COX7B2: variants seen among roughly 807,000 people sequenced by gnomAD.
The protein encoded by COX7B2 is cytochrome c oxidase subunit 7B2, also known as cytochrome c oxidase subunit 7B2, mitochondrial.
For missense variants in COX7B2, 109 were observed against 95.9 expected, an observed-to-expected ratio of 1.14 and a Z score of -0.57; for synonymous variants, 37 against 32.1, an observed-to-expected ratio of 1.15 and a Z score of -0.51.
intron 2 of COX7B2, among the ~76,000 whole-genome samples, chr4:46,796,150 G>GCACTTCTCAAAAGAA (rs1718326411): frequency 7.7e-6 from 1 of 130,554 alleles, no homozygotes; most frequent in African/African-American, 3.3e-5. Context: ...CTGCAAACAG[G>GCACTTCTCAAAAGAA]GACAATTTGA....
chr4:46,836,180 A>T (rs1199610278), intron 2 of COX7B2, among the ~76,000 whole-genome samples: 1 of 152,082 alleles, frequency 6.6e-6, no homozygotes, highest in Admixed American at 6.6e-5. Flanking sequence ...CTTATTAAAA[A>T]TTTCTTTCTT....
chr4:46,778,753 G>C lies in COX7B2; in HGVS notation c.-49-43512C>G, dbSNP rs146334214. Among the ~76,000 whole-genome samples, 16 of 152,154 alleles carry C rather than the reference G, an allele frequency of 1.1e-4. No homozygotes were observed. The East Asian group carries it at 1.2e-3, about 11-fold the overall frequency. Reference sequence around the variant, plus strand: ...TAGTTCCATCAGTATTAAAGTATTTGCTAGTATTTTTAGCATCTGTTACTT... The same window carrying C: ...TAGTTCCATCAGTATTAAAGTATTTCCTAGTATTTTTAGCATCTGTTACTT... On this transcript the variant is annotated intron_variant, in intron 2 of 2. Coordinates refer to ENST00000355591, the MANE Select transcript of COX7B2 (RefSeq NM_130902.3).
chr4:46,854,883 AAAT>A (rs1249729952), intron 1 of COX7B2, among the ~76,000 whole-genome samples: 1 of 152,174 alleles, frequency 6.6e-6, no homozygotes, highest in Non-Finnish European at 1.5e-5. Context: ...TTTTAATGGG[AAAT>A]AATAATGAAA....
At chr4:46,772,084 C>A (rs1277439264) in intron 2 of COX7B2, among the ~76,000 whole-genome samples, 1 of 151,964 alleles carries the variant, frequency 6.6e-6, no homozygotes, top group Admixed American at 6.6e-5. Context: ...TGTGATTAGA[C>A]ACACGCATAC....
In COX7B2 at chr4:46,812,639, A is replaced by AG. The variant is rs893518237; in HGVS notation, c.-50+32320dup. Among the ~76,000 whole-genome samples, 85 of 152,232 alleles carry AG rather than the reference A, an allele frequency of 5.6e-4. 1 individual carries two copies. The highest frequency in any genetic ancestry group is 2.0e-3 in the African/African-American group (84 of 41,540). The stretch of plus-strand genomic sequence containing the variant: ...ACAGTGATGCTTTCACTTCCAGAAG[A>AG]GGGGGGATGTCTTGGCAGCTCAGAC... On this transcript the variant is annotated intron_variant, in intron 2 of 2. Coordinates refer to ENST00000355591, the MANE Select transcript of COX7B2 (RefSeq NM_130902.3).
intron 1 of COX7B2, among the ~76,000 whole-genome samples, chr4:46,888,267 G>A (rs536071369): frequency 1.3e-5 from 2 of 152,158 alleles, no homozygotes; most frequent in Admixed American, 6.5e-5. Context: ...AGTCCTTTAC[G>A]ATTATGGGAA....
intron 2 of COX7B2, among the ~76,000 whole-genome samples, chr4:46,766,363 G>C (rs779645833): frequency 6.6e-6 from 1 of 151,952 alleles, no homozygotes; most frequent in Non-Finnish European, 1.5e-5. Flanking sequence ...ATATCAAAAG[G>C]TGTACAGTGT....
At chr4:46,892,217 T>C (rs1299292346) in intron 1 of COX7B2, among the ~76,000 whole-genome samples, 1 of 152,194 alleles carries the variant, frequency 6.6e-6, no homozygotes, top group African/African-American at 2.4e-5. Flanking sequence ...TTATAGATTA[T>C]GGTATAGACT....
chr4:46,893,551 G>A lies in COX7B2; in HGVS notation c.-105+15609C>T, dbSNP rs903259571. Reference sequence around the variant, plus strand: ...CATTCAGGCCTGAATGAGTTCTGTGGCAATAGCTGTGGCAGCTATTGCATC... The same window carrying A: ...CATTCAGGCCTGAATGAGTTCTGTGACAATAGCTGTGGCAGCTATTGCATC... On this transcript the variant is annotated intron_variant, in intron 1 of 2. Coordinates refer to ENST00000355591, the MANE Select transcript of COX7B2 (RefSeq NM_130902.3). Among the ~76,000 whole-genome samples, 8 of 152,244 alleles carry A rather than the reference G, an allele frequency of 5.3e-5. 2 individuals carry two copies. Among genetic ancestry groups the A allele is most frequent in the Admixed American group, 1.3e-4 (2 of 15,294 alleles).
At chr4:46,740,620 G>A (rs892532764) in intron 2 of COX7B2, among the ~76,000 whole-genome samples, 3 of 151,980 alleles carry the variant, frequency 2.0e-5, no homozygotes, top group Non-Finnish European at 4.4e-5. Flanking sequence ...TAATTGTTAG[G>A]TGTAAAATGG....
chr4:46,834,601 T>G (rs144678799), intron 2 of COX7B2, among the ~76,000 whole-genome samples: 61 of 152,270 alleles, frequency 4.0e-4, no homozygotes, highest in African/African-American at 1.4e-3. Flanking sequence ...TTATCCAACT[T>G]TCTTTGGAAG....
At chr4:46,887,636 G>A (rs894658154) in intron 1 of COX7B2, among the ~76,000 whole-genome samples, 5 of 150,874 alleles carry the variant, frequency 3.3e-5, no homozygotes, top group South Asian at 2.1e-4. Context: ...GCATGAACCC[G>A]GAAGGCGGAG....
chr4:46,821,350 TCTTTGAAGTTTGCGG>T (rs1714267882), intron 2 of COX7B2, among the ~76,000 whole-genome samples: 4 of 152,210 alleles, frequency 2.6e-5, no homozygotes, highest in Non-Finnish European at 2.9e-5. Context: ...GCAGCAACCT[TCTTTGAAGTTTGCGG>T]CAAATCCCAA....
At chr4:46,758,210 C>G (rs917330570) in intron 2 of COX7B2, among the ~76,000 whole-genome samples, 1 of 152,022 alleles carries the variant, frequency 6.6e-6, no homozygotes, top group Non-Finnish European at 1.5e-5. Flanking sequence ...AATCAGAATT[C>G]TGTGAAACTT....
chr4:46,832,714 T>C (rs975532185), intron 2 of COX7B2, among the ~76,000 whole-genome samples: 1 of 152,096 alleles, frequency 6.6e-6, no homozygotes, highest in African/African-American at 2.4e-5. Flanking sequence ...AGGATTCTTG[T>C]TCAGTTAGTT....
chr4:46,809,074 A>T (rs1327006628), intron 2 of COX7B2, among the ~76,000 whole-genome samples: 1 of 151,746 alleles, frequency 6.6e-6, no homozygotes, highest in Admixed American at 6.6e-5. Context: ...GAATTTTTTC[A>T]TTTCACCTAG....
chr4:46,740,254 CAT>C lies in COX7B2; in HGVS notation c.-49-5015_-49-5014del, dbSNP rs145767105. ...CATACCAAAGCTTACTAACCACAGA[CAT>C]GTGAAAATAAAAGAACTATGATCAC... On this transcript the variant is annotated intron_variant, in intron 2 of 2. Coordinates refer to ENST00000355591, the MANE Select transcript of COX7B2 (RefSeq NM_130902.3). 7.8e-4 allele frequency among the ~76,000 whole-genome samples: 119 copies of C among 152,136 alleles called. 1 individual carries two copies. In the East Asian group the frequency reaches 0.019, roughly 24 times the overall value.
chr4:46,791,587 TC>T (rs1718050349), intron 2 of COX7B2, among the ~76,000 whole-genome samples: 2 of 152,186 alleles, frequency 1.3e-5, no homozygotes, highest in African/African-American at 4.8e-5. Context: ...CCTCCAAAAT[TC>T]TAAAGTGTTG....
intron 2 of COX7B2, among the ~76,000 whole-genome samples, chr4:46,781,030 T>C (rs184768417): frequency 2.6e-5 from 4 of 152,314 alleles, no homozygotes; most frequent in Admixed American, 1.3e-4. Flanking sequence ...ATGGCAGATA[T>C]AGGGTATCTG....
Sources: gnomAD v4.1 joint callset for allele counts (sites outside exome capture counted in the v4.1 genomes callset) on GRCh38, gnomAD v4.1.1 for gene constraint, MANE v1.5 for transcripts, NCBI Gene and HGNC (gene_info 2026-07-23, HGNC 2026-07-21) for gene names.